Variants in ETV5 observed in about 807,000 individuals in gnomAD.
ETV5 encodes the protein ETS translocation variant 5.
Under a neutral mutation model 70.0 loss-of-function variants are expected in ETV5, and 10 were observed. The ratio of observed to expected loss-of-function variants is 0.14; its 90% confidence interval spans 0.09 to 0.24. The LOEUF is 0.24. Ranked by LOEUF, ETV5 falls within the 10% of genes least tolerant of loss-of-function variation. The pLI, the probability that ETV5 is intolerant of heterozygous loss-of-function variation, is 1.00. For synonymous variants in ETV5, 216 were observed against 242.2 expected, an observed-to-expected ratio of 0.89 and a Z score of 1.01; for missense variants, 453 against 651.2, an observed-to-expected ratio of 0.70 and a Z score of 3.31.
chr3:186,084,282 TAAAAAAA>T, intron 5 of ETV5: 14 of 216,724 alleles, frequency 6.5e-5, no homozygotes, highest in East Asian at 1.4e-4. Flanking sequence ...AAAGAAATGC[TAAAAAAA>T]AAAAAAAAAA....
intron 5 of ETV5, among the ~76,000 whole-genome samples, chr3:186,081,834 TACA>T (rs996788552): frequency 2.2e-4 from 34 of 152,332 alleles, no homozygotes; most frequent in African/African-American, 8.2e-4. Flanking sequence ...CCTTTGTGCT[TACA>T]ACATCTGCTC....
intron 7 of ETV5, among the ~76,000 whole-genome samples, chr3:186,071,051 T>C (rs1713619574): frequency 6.6e-6 from 1 of 152,236 alleles, no homozygotes; most frequent in Non-Finnish European, 1.5e-5. Flanking sequence ...ATTTATTTAT[T>C]TGTCAGATTT....
chr3:186,048,673 C>T lies in ETV5; in HGVS notation c.1499G>A (p.Ser500Asn), dbSNP rs1712940866. The change falls in exon 13 of 13, where the codon AGC becomes AAC. Residue 500 changes from serine (S) to asparagine (N), a missense_variant. Around this residue, in one of 4 missense-constraint regions of ETV5, gnomAD observed 74 missense variants for 95.2 expected, o/e 0.78. Transcript: ENST00000306376. ...PAYLLDMDRC[S>N]SLPYAEGFAY ...AAAGCCTTCGGCATAGGGGAGGCTGCTGCAGCGGTCCATGTCCAGGAGGTA... is the reference window on the plus strand; with the variant it reads ...AAAGCCTTCGGCATAGGGGAGGCTGTTGCAGCGGTCCATGTCCAGGAGGTA... 1.2e-6 allele frequency: 2 copies of T among 1,614,076 alleles called. No individual in the cohort carries two copies. The highest frequency in any genetic ancestry group is 1.3e-5 in the African/African-American group (1 of 74,916).
At chr3:186,107,506 C>CA (rs1223640893) in intron 1 of ETV5, among the ~76,000 whole-genome samples, 7 of 151,402 alleles carry the variant, frequency 4.6e-5, no homozygotes, top group South Asian at 2.1e-4. Flanking sequence ...CCCGGAAGAG[C>CA]AAAAAAAATT....
intron 5 of ETV5, among the ~76,000 whole-genome samples, chr3:186,104,326 G>C (rs971795853): frequency 6.6e-6 from 1 of 152,112 alleles, no homozygotes; most frequent in African/African-American, 2.4e-5. Context: ...CCATGCCCCT[G>C]CCAGTGTTGA....
rs1255495873 is a variant in ETV5, at chr3:186,054,879, G to A, written c.1209+2196C>T. Reference sequence around the variant, plus strand: ...CACATGTGGCACCCAACTGATCCTGGGTGAAGAGAAAGGAACATTTGGAGC... The same window carrying A: ...CACATGTGGCACCCAACTGATCCTGAGTGAAGAGAAAGGAACATTTGGAGC... On this transcript the variant is annotated intron_variant, in intron 11 of 12. Transcript: ENST00000306376. This position sits in a 1 kb window ranked among gnomAD's most constrained non-coding sequence, Gnocchi z 4.4. Among the ~76,000 whole-genome samples the A allele has an allele frequency of 6.6e-6, 1 of 152,124 alleles. No homozygotes were observed. Among genetic ancestry groups the A allele is most frequent in the African/African-American group, 2.4e-5 (1 of 41,416 alleles).
chr3:186,085,972 C>T (rs560494683), intron 5 of ETV5, among the ~76,000 whole-genome samples: 234 of 152,294 alleles, frequency 1.5e-3, no homozygotes, highest in African/African-American at 5.5e-3. Context: ...ACCACCCAGA[C>T]TCCGCACTGC....
intron 5 of ETV5, among the ~76,000 whole-genome samples, chr3:186,084,461 CTT>C (rs1714007384): frequency 1.3e-5 from 2 of 150,856 alleles, no homozygotes; most frequent in Non-Finnish European, 2.9e-5. Flanking sequence ...TTCTTTCTGT[CTT>C]CATTCATTCA....
intron 12 of ETV5, among the ~76,000 whole-genome samples, chr3:186,049,220 C>T (rs1327204400): frequency 6.6e-6 from 1 of 152,234 alleles, no homozygotes; most frequent in African/African-American, 2.4e-5. Context: ...AGCCTGACCA[C>T]ATTTTTAGTC....
At chr3:186,068,847 A>G (rs533945087) in intron 7 of ETV5, among the ~76,000 whole-genome samples, 1 of 152,334 alleles carries the variant, frequency 6.6e-6, no homozygotes, top group East Asian at 1.9e-4. Flanking sequence ...AGGAAGCACT[A>G]ATCTATGTGT....
rs562071886 is a variant in ETV5, at chr3:186,054,399, A to T, written c.1210-2268T>A. On this transcript the variant is annotated intron_variant, in intron 11 of 12. Coordinates refer to ENST00000306376, the MANE Select transcript of ETV5 (RefSeq NM_004454.3). The surrounding 1 kb of genome is among the most constrained non-coding windows in gnomAD (Gnocchi z 4.4). ...AGGGAGTGGCTCTTTCTAGCAGCCC[A>T]TCCCTTCAAACCTCCCAGCAGCAGT... Among the ~76,000 whole-genome samples the T allele has an allele frequency of 6.4e-4, 98 of 152,268 alleles. 1 individual carries two copies. The highest frequency in any genetic ancestry group is 2.3e-3 in the African/African-American group (94 of 41,556).
At chr3:186,075,672 T>C (rs1426146658) in intron 7 of ETV5, among the ~76,000 whole-genome samples, 3 of 152,232 alleles carry the variant, frequency 2.0e-5, no homozygotes, top group Non-Finnish European at 4.4e-5. Context: ...CAGTTGACCT[T>C]TTCCTGATGA....
chr3:186,076,905 T>C (rs940171887), intron 7 of ETV5, among the ~76,000 whole-genome samples: 1 of 152,232 alleles, frequency 6.6e-6, no homozygotes, highest in African/African-American at 2.4e-5. Flanking sequence ...AAAAAACAGA[T>C]AATGTTCAAG....
chr3:186,072,637 T>C (rs1713671404), intron 7 of ETV5, among the ~76,000 whole-genome samples: 2 of 152,148 alleles, frequency 1.3e-5, no homozygotes, highest in African/African-American at 2.4e-5. Context: ...AACAACTCCA[T>C]AAGGCCTGCC....
intron 7 of ETV5, among the ~76,000 whole-genome samples, chr3:186,068,417 T>G (rs934086000): frequency 6.6e-6 from 1 of 151,968 alleles, no homozygotes; most frequent in African/African-American, 2.4e-5. Context: ...ATCTGTGGGG[T>G]GGTTATAATT....
intron 11 of ETV5, among the ~76,000 whole-genome samples, chr3:186,053,192 C>T (rs1412715042): frequency 1.3e-5 from 2 of 152,192 alleles, no homozygotes; most frequent in Non-Finnish European, 2.9e-5. Context: ...ACCTCTGCCT[C>T]CCAGGCTCAA....
At chr3:186,083,941 A>G (rs1185555925) in intron 5 of ETV5, among the ~76,000 whole-genome samples, 2 of 152,266 alleles carry the variant, frequency 1.3e-5, no homozygotes, top group Admixed American at 1.3e-4. Context: ...GTGGGACTAG[A>G]GGATGTGTGA....
At chr3:186,066,595 A>T (rs1713452746) in intron 7 of ETV5, among the ~76,000 whole-genome samples, 1 of 152,310 alleles carries the variant, frequency 6.6e-6, no homozygotes, top group Non-Finnish European at 1.5e-5. Context: ...TATAGGCCAT[A>T]TAAGAATAAA....
Position 186,105,396 on chromosome 3 carries a change from A to T in ETV5, c.182-41T>A. On this transcript the variant is annotated intron_variant, in intron 4 of 12. Transcript: ENST00000306376. The surrounding 1 kb of genome is among the most constrained non-coding windows in gnomAD (Gnocchi z 4.5). ...TTATTTTAGACCTTTAAGTTTTATTAAAAAGCACAGTAAAATGTTTTATAT... is the reference window on the plus strand; with the variant it reads ...TTATTTTAGACCTTTAAGTTTTATTTAAAAGCACAGTAAAATGTTTTATAT... The T allele has an allele frequency of 6.2e-7, 1 of 1,611,556 alleles. No homozygotes were observed. The highest frequency in any genetic ancestry group is 2.2e-5 in the East Asian group (1 of 44,870).
Sources: gnomAD v4.1 joint callset for allele counts (sites outside exome capture counted in the v4.1 genomes callset) on GRCh38, gnomAD v4.1.1 for gene constraint, gnomAD v4.1.1 regional missense constraint, Gnocchi (gnomAD v3.1) non-coding constraint, MANE v1.5 for transcripts, NCBI Gene and HGNC (gene_info 2026-07-23, HGNC 2026-07-21) for gene names.